The following AGBL1 variants were observed in gnomAD, a reference collection of about 807,000 sequenced individuals.
AGBL1 encodes cytosolic carboxypeptidase 4.
Under a neutral mutation model 118.9 loss-of-function variants are expected in AGBL1, and 130 were observed. That is an observed-to-expected ratio of 1.09 (90% CI 0.95 to 1.26). The LOEUF (loss-of-function observed/expected upper bound fraction) is 1.26. Among genes scored for constraint, AGBL1 ranks in the 50% most tolerant of loss-of-function variants. The probability of loss-of-function intolerance (pLI) is 0.00; values close to 1 mark genes in which losing one functional copy is unlikely to be tolerated. For missense variants in AGBL1, 1,584 were observed against 1,298.1 expected, an observed-to-expected ratio of 1.22 and a Z score of -3.38; for synonymous variants, 555 against 478.9, an observed-to-expected ratio of 1.16 and a Z score of -2.08.
chr15:86,716,186 C>G (rs928479121), intron 22 of AGBL1, among the ~76,000 whole-genome samples: 2 of 152,126 alleles, frequency 1.3e-5, no homozygotes, highest in Non-Finnish European at 2.9e-5. Flanking sequence ...CCTGGAATCT[C>G]TCTACCATTC....
chr15:86,863,338 G>A (rs778782548), intron 22 of AGBL1, among the ~76,000 whole-genome samples: 8 of 152,154 alleles, frequency 5.3e-5, no homozygotes, highest in South Asian at 2.1e-4. Flanking sequence ...AAAGGCAACC[G>A]TGAAGCCAAT....
rs905031588 is a variant in AGBL1, at chr15:86,631,115, G to A, written c.2995-43158G>A. The stretch of plus-strand genomic sequence containing the variant: ...CTGCCAGCCAGGGTAGGTGTCTTCC[G>A]TCCGGCTCTCTTCCTGCTTCTGCTA... On this transcript the variant is annotated intron_variant, in intron 21 of 22. Coordinates refer to ENST00000614907, the MANE Select transcript of AGBL1 (RefSeq NM_001386094.1). 25 of 153,258 alleles carry A rather than the reference G, an allele frequency of 1.6e-4. No homozygotes were observed. In the East Asian group the frequency reaches 2.7e-3, roughly 17 times the overall value. The allele number at this position is 153,258 out of a possible 1,614,324, so 9.5% of individuals were successfully genotyped here.
chr15:86,096,114 T>G (rs1190672714), intron 1 of AGBL1, among the ~76,000 whole-genome samples: 2 of 152,176 alleles, frequency 1.3e-5, no homozygotes, highest in African/African-American at 4.8e-5. Flanking sequence ...TCATTTTAAC[T>G]TAACATTATT....
chr15:87,001,938 T>C (rs1225707079), intron 24 of AGBL1, among the ~76,000 whole-genome samples: 5 of 152,064 alleles, frequency 3.3e-5, no homozygotes, highest in Non-Finnish European at 7.4e-5. Flanking sequence ...TGCCTGTTCA[T>C]GCTGATGGTA....
chr15:86,934,894 G>A (rs1020643162), intron 23 of AGBL1, among the ~76,000 whole-genome samples: 1 of 152,134 alleles, frequency 6.6e-6, no homozygotes, highest in Non-Finnish European at 1.5e-5. Context: ...GGAAATTGTT[G>A]GTAGGACGAT....
chr15:86,848,612 T>A (rs1470439211), intron 22 of AGBL1, among the ~76,000 whole-genome samples: 1 of 152,168 alleles, frequency 6.6e-6, no homozygotes, highest in Non-Finnish European at 1.5e-5. Flanking sequence ...GTAACTTATC[T>A]CTGTAGAATG....
chr15:86,117,845 C>T (rs1252304216), intron 1 of AGBL1, among the ~76,000 whole-genome samples: 1 of 152,080 alleles, frequency 6.6e-6, no homozygotes, highest in East Asian at 1.9e-4. Flanking sequence ...GAAATCCAAC[C>T]CCAGGACCTG....
chr15:87,014,285 A>C (rs200504815), intron 24 of AGBL1, among the ~76,000 whole-genome samples: 1 of 152,088 alleles, frequency 6.6e-6, no homozygotes, highest in African/African-American at 2.4e-5. Flanking sequence ...CGCAAAAGAA[A>C]GAGAAAAATT....
At chr15:86,303,761 T>C (rs2079792507) in intron 17 of AGBL1, among the ~76,000 whole-genome samples, 1 of 152,170 alleles carries the variant, frequency 6.6e-6, no homozygotes, top group South Asian at 2.1e-4. Context: ...TCCTAGAACA[T>C]TCTATTCTAC....
intron 18 of AGBL1, among the ~76,000 whole-genome samples, chr15:86,486,949 TCTC>T (rs1326488541): frequency 6.6e-6 from 1 of 152,030 alleles, no homozygotes; most frequent in Non-Finnish European, 1.5e-5. Flanking sequence ...CTTTCCAGCT[TCTC>T]CTCTTTCTGT....
At chr15:86,541,616 A>G (rs2346717) in intron 19 of AGBL1, among the ~76,000 whole-genome samples, 35,795 of 93,102 alleles carry the variant, frequency 0.38, 6,967 homozygotes, top group East Asian at 0.78. Flanking sequence ...AAAAAAAAAA[A>G]AGAGAGAGAG....
At chr15:86,339,963 T>G (rs887720208) in intron 17 of AGBL1, among the ~76,000 whole-genome samples, 2 of 148,120 alleles carry the variant, frequency 1.4e-5, no homozygotes, top group Non-Finnish European at 3.0e-5. Flanking sequence ...GGACTCCATC[T>G]CAAAAAAAAA....
At chr15:86,465,869 G>A (rs1254471253) in intron 18 of AGBL1, among the ~76,000 whole-genome samples, 1 of 152,068 alleles carries the variant, frequency 6.6e-6, no homozygotes. Flanking sequence ...CTGCCTCTCT[G>A]CCCTTGTGAT....
intron 23 of AGBL1, among the ~76,000 whole-genome samples, chr15:86,921,682 A>G (rs1831359637): frequency 6.6e-6 from 1 of 152,190 alleles, no homozygotes; most frequent in African/African-American, 2.4e-5. Flanking sequence ...CTAGTGGGAC[A>G]GGAATAGGAT....
chr15:86,168,027 A>G (rs1281600335), intron 5 of AGBL1, among the ~76,000 whole-genome samples: 1 of 152,198 alleles, frequency 6.6e-6, no homozygotes, highest in Non-Finnish European at 1.5e-5. Context: ...TGCCAGTTGA[A>G]TGAATGAACA....
At chr15:86,928,011 T>C (rs758713760) in intron 23 of AGBL1, among the ~76,000 whole-genome samples, 9 of 152,162 alleles carry the variant, frequency 5.9e-5, no homozygotes, top group Non-Finnish European at 1.0e-4. Context: ...GCACTTAAAA[T>C]GTACTTTATG....
chr15:86,230,366 A>C (rs78631680), intron 6 of AGBL1, among the ~76,000 whole-genome samples: 1,853 of 152,352 alleles, frequency 0.012, 22 homozygotes, highest in East Asian at 0.054. Flanking sequence ...GGTCTTTATA[A>C]GAATTCTAAG....
chr15:86,604,793 C>T (rs28569454), intron 21 of AGBL1, among the ~76,000 whole-genome samples: 52 of 141,566 alleles, frequency 3.7e-4, no homozygotes, highest in African/African-American at 8.9e-4. Flanking sequence ...TTTTTCTTTT[C>T]TTTCTTTTTT....
intron 23 of AGBL1, among the ~76,000 whole-genome samples, chr15:86,936,236 ATGTATGTGTG>A (rs60729576): frequency 0.025 from 2,613 of 105,846 alleles, 68 homozygotes; most frequent in African/African-American, 0.079. Context: ...AGCAGTGTGT[ATGTATGTGTG>A]TGTGTGTGTG....
Sources: gnomAD v4.1 joint callset for allele counts (sites outside exome capture counted in the v4.1 genomes callset) on GRCh38, gnomAD v4.1.1 for gene constraint, MANE v1.5 for transcripts, NCBI Gene and HGNC (gene_info 2026-07-23, HGNC 2026-07-21) for gene names.